Variants in TTC9C observed in about 807,000 individuals in gnomAD.
TTC9C encodes the protein tetratricopeptide repeat domain 9C, also known as tetratricopeptide repeat protein 9C.
TTC9C carries 15 observed loss-of-function variants against 22.5 expected under a neutral mutation model. The observed-to-expected ratio is 0.67, with a 90% CI of 0.45 to 1.03. The LOEUF (loss-of-function observed/expected upper bound fraction) is 1.03. Among genes scored for constraint, TTC9C ranks in the 50% least tolerant of loss-of-function variants. The pLI is 0.00. For missense variants in TTC9C, 244 were observed against 214.6 expected (o/e 1.14, Z -0.86); for synonymous variants, 92 against 86.8 (o/e 1.06, Z -0.33).
At chr11:62,729,402 A>AT (rs1224190820) in intron 1 of TTC9C, among the ~76,000 whole-genome samples, 2 of 133,324 alleles carry the variant, frequency 1.5e-5, no homozygotes, top group Admixed American at 7.2e-5. Flanking sequence ...ATTTTATTTT[A>AT]TTTTATTTTT....
upstream of TTC9C, chr11:62,728,170 C>G (rs150065880): frequency 3.7e-6 from 1 of 273,584 alleles, no homozygotes; most frequent in Admixed American, 5.0e-5. Flanking sequence ...CTGTACGCAT[C>G]TCTGACCCTT....
chr11:62,738,349 A>C lies in TTC9C; in HGVS notation c.483A>C (p.Lys161Asn). 1 of 1,613,116 alleles carries C rather than the reference A, an allele frequency of 6.2e-7. No homozygotes were observed. Among genetic ancestry groups the C allele is most frequent in the Non-Finnish European group, 8.5e-7 (1 of 1,179,446 alleles). The part of the protein sequence containing the change: ...TQSELSSYHR[K>N]EKQLYLGMFG Reference sequence around the variant, plus strand: ...CAGAACTCAGCAGCTACCATAGAAAAGAGAAGCAGCTCTACCTGGGCATGT... The same window carrying C: ...CAGAACTCAGCAGCTACCATAGAAACGAGAAGCAGCTCTACCTGGGCATGT... Residue 161 changes from lysine (K) to asparagine (N), a missense_variant, in exon 3 of 3, where the codon AAA becomes AAC. Coordinates refer to ENST00000316461, the MANE Select transcript of TTC9C (RefSeq NM_173810.4).
intron 1 of TTC9C, 72 bp from the exon 2 acceptor site, chr11:62,735,310 C>T: frequency 6.3e-7 from 1 of 1,576,320 alleles, no homozygotes; most frequent in East Asian, 2.2e-5. Context: ...TCAGTACTGT[C>T]TTGAGCTGGC....
chr11:62,735,844 T>C (rs1326775702), intron 2 of TTC9C: 1 of 244,416 alleles, frequency 4.1e-6, no homozygotes, highest in Non-Finnish European at 7.9e-6. Context: ...GTTTCATATA[T>C]GTATGTATGC....
chr11:62,728,369 G>A, upstream of TTC9C: 1 of 367,188 alleles, frequency 2.7e-6, no homozygotes, highest in South Asian at 2.0e-5. Flanking sequence ...AATAAATGTT[G>A]AATAAGGAAG....
At chr11:62,731,750 C>T (rs993882036) in intron 1 of TTC9C, among the ~76,000 whole-genome samples, 2 of 150,458 alleles carry the variant, frequency 1.3e-5, no homozygotes, top group Non-Finnish European at 3.0e-5. Context: ...AGTGCAGTGG[C>T]GTGATCTCAC....
intron 1 of TTC9C, among the ~76,000 whole-genome samples, chr11:62,735,181 A>G (rs1029498606): frequency 6.6e-6 from 1 of 152,236 alleles, no homozygotes; most frequent in Non-Finnish European, 1.5e-5. Context: ...GGCATGAGCC[A>G]CTGCACCTGG....
intron 1 of TTC9C, 121 bp from the exon 2 acceptor site, chr11:62,735,261 A>G (rs750053722): frequency 3.6e-4 from 484 of 1,326,086 alleles, no homozygotes; most frequent in Non-Finnish European, 4.7e-4. Context: ...TATGGGAGAC[A>G]CTTTAGCATT....
At chr11:62,732,045 G>GGCGTCA (rs1311152747) in intron 1 of TTC9C, among the ~76,000 whole-genome samples, 2 of 133,022 alleles carry the variant, frequency 1.5e-5, no homozygotes, top group African/African-American at 5.7e-5. Context: ...CGCCCAGGCT[G>GGCGTCA]GCGTCAGTGG....
chr11:62,730,815 C>T lies in TTC9C; in HGVS notation c.238+1729C>T, dbSNP rs200107602. The stretch of plus-strand genomic sequence containing the variant: ...CTCAAACTCCCAGCCTCAGGTGATC[C>T]GCCCACCTCGGCCTCCCAAAGTGCT... On this transcript the variant is annotated intron_variant, in intron 1 of 2. Coordinates refer to ENST00000316461, the MANE Select transcript of TTC9C (RefSeq NM_173810.4). Among the ~76,000 whole-genome samples the T allele has an allele frequency of 2.4e-4, 36 of 152,076 alleles. No homozygotes were observed. The East Asian group carries it at 2.7e-3, about 11-fold the overall frequency.
At chr11:62,738,163 G>T in intron 2 of TTC9C, 125 bp from the exon 3 acceptor site, 2 of 533,920 alleles carry the variant, frequency 3.7e-6, no homozygotes, top group South Asian at 5.8e-5. Context: ...GAATGGTTGC[G>T]ATATATTCAG....
At chr11:62,729,838 G>A (rs2083826405) in intron 1 of TTC9C, among the ~76,000 whole-genome samples, 1 of 152,094 alleles carries the variant, frequency 6.6e-6, no homozygotes, top group African/African-American at 2.4e-5. Flanking sequence ...TACCTTCCAA[G>A]GTGCTGGGAT....
intron 1 of TTC9C, among the ~76,000 whole-genome samples, chr11:62,729,387 A>G (rs1400142432): frequency 2.2e-5 from 3 of 135,464 alleles, no homozygotes; most frequent in Non-Finnish European, 5.0e-5. Flanking sequence ...ATTTTATTTT[A>G]TTTTATTTTA....
intron 1 of TTC9C, among the ~76,000 whole-genome samples, chr11:62,729,652 C>T (rs1184308439): frequency 1.3e-5 from 2 of 150,804 alleles, no homozygotes; most frequent in South Asian, 2.1e-4. Context: ...TTCGGCTCAC[C>T]GCAACCTCTG....
rs1178146751 is a variant in TTC9C at position 62,728,576 on chromosome 11, C to CTA, written c.-272_-271insAT. ...AGTCTCATCCACCCCCACATCGCCT[C>CTA]TTTAGGAAGTCACTTAATGTTGGGC... On this transcript the variant is annotated 5_prime_UTR_variant, in exon 1 of 3. Coordinates refer to ENST00000316461, the MANE Select transcript of TTC9C (RefSeq NM_173810.4). The CTA allele has an allele frequency of 5.3e-6, 3 of 568,382 alleles. No individual in the cohort carries two copies. Among genetic ancestry groups the CTA allele is most frequent in the Middle Eastern group, 2.7e-4 (1 of 3,708 alleles). The allele number at this position is 568,382 out of a possible 1,614,324, so 35.2% of individuals were successfully genotyped here.
intron 2 of TTC9C, among the ~76,000 whole-genome samples, chr11:62,736,853 C>G (rs1205619525): frequency 7.6e-6 from 1 of 131,142 alleles, no homozygotes; most frequent in African/African-American, 2.8e-5. Context: ...GACTCCATCC[C>G]AAAAAAAAAA....
chr11:62,735,302 A>G, intron 1 of TTC9C, 80 bp from the exon 2 acceptor site: 3 of 1,549,150 alleles, frequency 1.9e-6, no homozygotes, highest in Non-Finnish European at 2.6e-6. Context: ...CACCCTGTTC[A>G]GTACTGTCTT....
In TTC9C at chr11:62,735,476, G is replaced by A. The variant is rs1473562746; in HGVS notation, c.333G>A (p.Leu111=). The change falls in exon 2 of 3, where the codon TTG becomes TTA. Residue 111 remains leucine, a synonymous_variant. Coordinates refer to ENST00000316461, the MANE Select transcript of TTC9C (RefSeq NM_173810.4). ...GACAGCCTGATAATGCCAAGGCCTTGTATCGGGCCGGAGTGGCCTTTTTCC... is the reference window on the plus strand; with the variant it reads ...GACAGCCTGATAATGCCAAGGCCTTATATCGGGCCGGAGTGGCCTTTTTCC... ...LERQPDNAKA[L]YRAGVAFFHL... 6.2e-7 allele frequency: 1 copy of A among 1,614,128 alleles called. No individual in the cohort carries two copies. The highest frequency in any genetic ancestry group is 1.1e-5 in the South Asian group (1 of 91,086).
chr11:62,735,770 T>C, intron 2 of TTC9C: 1 of 885,568 alleles, frequency 1.1e-6, no homozygotes, highest in Non-Finnish European at 1.6e-6. Context: ...AGCAGTATTA[T>C]TAGTTTCATG....
Sources: allele counts gnomAD v4.1 joint callset (sites outside exome capture counted in the v4.1 genomes callset), GRCh38; gene constraint gnomAD v4.1.1; transcripts MANE v1.5; gene names NCBI Gene and HGNC (gene_info 2026-07-23, HGNC 2026-07-21).